NCAPD2: variants seen among roughly 807,000 people sequenced by gnomAD.
The protein encoded by NCAPD2 is condensin complex subunit 1.
A neutral mutation model predicts 164.5 loss-of-function variants in NCAPD2; 100 were observed. The ratio of observed to expected loss-of-function variants is 0.61; its 90% CI spans 0.52 to 0.72. NCAPD2 has a LOEUF of 0.72. Among genes scored for constraint, NCAPD2 ranks in the 30% least tolerant of loss-of-function variants. NCAPD2 has a pLI of 0.00. For missense variants in NCAPD2, 1,560 were observed against 1,749.2 expected, an observed-to-expected ratio of 0.89 and a Z score of 1.93; for synonymous variants, 585 against 642.6, an observed-to-expected ratio of 0.91 and a Z score of 1.36.
In NCAPD2 at chr12:6,517,362, C is replaced by T. The variant is rs1442974677; in HGVS notation, c.1186-3C>T. ...CAGATTCTTCTCTTCCTACCCTACA[C>T]AGGCTCTCCCCCTGACACGTTTCCA... On this transcript the variant is annotated splice_region_variant and splice_polypyrimidine_tract_variant and intron_variant, in intron 10 of 31. Coordinates refer to ENST00000315579, the MANE Select transcript of NCAPD2 (RefSeq NM_014865.4). 1 of 1,613,674 alleles carries T rather than the reference C, an allele frequency of 6.2e-7. No individual in the cohort carries two copies. The highest frequency in any genetic ancestry group is 8.5e-7 in the Non-Finnish European group (1 of 1,179,820).
In NCAPD2 at chr12:6,528,469, C is replaced by T. The variant is rs1234874832; in HGVS notation, c.3299+141C>T. The T allele has an allele frequency of 7.8e-7, 1 of 1,273,928 alleles. No homozygotes were observed. Among genetic ancestry groups the T allele is most frequent in the East Asian group, 2.3e-5 (1 of 42,818 alleles). The allele number at this position is 1,273,928 out of a possible 1,614,324, so 78.9% of individuals were successfully genotyped here. A position where few individuals can be genotyped will look rare whatever the true frequency, so the allele number is the denominator to read the frequency against. ...GCTTGATACTTGACCTGTACAGGCC[C>T]CTGGCTAAGAGTCACCCCAGTGGGA... is the stretch of plus-strand genomic sequence containing the variant. On this transcript the variant is annotated intron_variant, in intron 25 of 31. Coordinates refer to ENST00000315579, the MANE Select transcript of NCAPD2 (RefSeq NM_014865.4). This position sits in a 1 kb window ranked among gnomAD's most constrained non-coding sequence, Gnocchi z 5.1.
At position 6,509,713 on chromosome 12, in the gene NCAPD2, AT is replaced by A. The variant is rs765399651; in HGVS notation, c.128-3del. 6.2e-7 allele frequency: 1 copy of A among 1,613,712 alleles called. No individual in the cohort carries two copies. Among genetic ancestry groups the A allele is most frequent in the East Asian group, 2.2e-5 (1 of 44,876 alleles). ...AAATTGATTTGTTTTTTCCATCTTC[AT>A]AGCTTTTCAGGCTGCCTTTCGAGCT... is the stretch of plus-strand genomic sequence containing the variant. On this transcript the variant is annotated splice_region_variant and splice_polypyrimidine_tract_variant and intron_variant, in intron 2 of 31. Coordinates refer to ENST00000315579, the MANE Select transcript of NCAPD2 (RefSeq NM_014865.4).
At chr12:6,522,092 A>G (rs1946268836) in intron 15 of NCAPD2, 55 bp downstream of exon 15, 1 of 1,553,468 alleles carries the variant, frequency 6.4e-7, no homozygotes, top group East Asian at 2.3e-5. Context: ...TGGATTTTTT[A>G]ATTTTTTAAA....
intron 2 of NCAPD2, among the ~76,000 whole-genome samples, chr12:6,502,789 C>T (rs7967329): frequency 0.023 from 3,529 of 151,994 alleles, 115 homozygotes; most frequent in East Asian, 0.12. Flanking sequence ...CTTCGGCCTG[C>T]GCAACACAAC....
rs75202400 is a variant in NCAPD2, at chr12:6,514,945, G to A, written c.987+25G>A. On this transcript the variant is annotated intron_variant, in intron 9 of 31. Transcript: ENST00000315579. Reference sequence around the variant, plus strand: ...AGTAGGTGGTCCACTAGGGGTCACTGAGCTTTTTCTGGGGATTTTAAGTCC... The same window carrying A: ...AGTAGGTGGTCCACTAGGGGTCACTAAGCTTTTTCTGGGGATTTTAAGTCC... 2,636 of 1,612,946 alleles carry A rather than the reference G, an allele frequency of 1.6e-3. 17 individuals are homozygous for A. The highest frequency in any genetic ancestry group is 1.5e-3 in the Non-Finnish European group (1,807 of 1,179,294).
intron 2 of NCAPD2, among the ~76,000 whole-genome samples, chr12:6,508,735 G>A (rs1946119757): frequency 1.3e-5 from 2 of 152,122 alleles, no homozygotes; most frequent in African/African-American, 4.8e-5. Context: ...GTTGCAAAGG[G>A]GAAAATAATA....
intron 13 of NCAPD2, 129 bp from the exon 14 acceptor site, chr12:6,520,857 T>C (rs1946257250): frequency 3.9e-6 from 5 of 1,283,654 alleles, no homozygotes; most frequent in Non-Finnish European, 5.3e-6. Context: ...TAACAACTTT[T>C]TAAGCATGTT....
Position 6,527,837 on chromosome 12 carries a change from G to T in NCAPD2, c.2968G>T (p.Asp990Tyr). The T allele has an allele frequency of 6.2e-7, 1 of 1,613,978 alleles. No homozygotes were observed. Among genetic ancestry groups the T allele is most frequent in the South Asian group, 1.1e-5 (1 of 91,062 alleles). The change falls in exon 23 of 32, where the codon GAC (aspartate) becomes TAC (tyrosine). Residue 990 changes from aspartate (D) to tyrosine (Y), a missense_variant. Asp to Tyr is a radical substitution (Grantham distance 160). Coordinates refer to ENST00000315579, the MANE Select transcript of NCAPD2 (RefSeq NM_014865.4). ...GGGGCTGGTTGGGGCAACAGCAGAT[G>T]ACACAGAGGCAGAACTAATCCGTGG... Reference protein sequence around the residue: ...ELGLVGATADDTEAELIRGIC... With the variant: ...ELGLVGATADYTEAELIRGIC...
chr12:6,499,529 A>G (rs1424531664), intron 2 of NCAPD2, among the ~76,000 whole-genome samples: 2 of 152,120 alleles, frequency 1.3e-5, no homozygotes, highest in African/African-American at 4.8e-5. Context: ...CTGGAATTAC[A>G]GGTGCCCACC....
rs181920266 is a variant in NCAPD2 at position 6,518,120 on chromosome 12, T to G, written c.1589+161T>G. 510 of 618,822 alleles carry G rather than the reference T, an allele frequency of 8.2e-4. 6 individuals carry two copies. The East Asian group carries it at 0.012, about 15-fold the overall frequency. 38.3% of individuals were successfully genotyped at this position (618,822 alleles called of 1,614,324 possible). On this transcript the variant is annotated intron_variant, in intron 13 of 31. Transcript: ENST00000315579. ...AGTAATGGTCTGACCATAGGCCTAG[T>G]CCACAATTAAGCATGTGTTTCTACT...
rs768229078 is a variant in NCAPD2, at chr12:6,530,986, C to G, written c.4030C>G (p.Arg1344Gly). The G allele has an allele frequency of 5.6e-6, 9 of 1,614,184 alleles. No individual in the cohort carries two copies. In the East Asian group the frequency reaches 2.0e-4, roughly 36 times the overall value. Residue 1344 changes from arginine to glycine, a missense_variant, in exon 31 of 32, where the codon CGT becomes GGT. Coordinates refer to ENST00000315579, the MANE Select transcript of NCAPD2 (RefSeq NM_014865.4). ...TGACTTTGTCACACCAGAGCCCCGC[C>G]GTACTACCCGTCGGCATCCAAACAC... is the stretch of plus-strand genomic sequence containing the variant. The part of the protein sequence containing the change: ...DNDFVTPEPR[R>G]TTRRHPNTQQ...
chr12:6,531,004 C>T lies in NCAPD2; in HGVS notation c.4048C>T (p.Pro1350Ser), dbSNP rs998886798. 5.6e-6 allele frequency: 9 copies of T among 1,614,052 alleles called. No individual in the cohort carries two copies. The Admixed American group carries it at 8.3e-5, about 15-fold the overall frequency. The change falls in exon 31 of 32, where the codon CCA becomes TCA. Residue 1350 changes from proline to serine, a missense_variant. Transcript: ENST00000315579. The surrounding 1 kb of genome is among the most constrained non-coding windows in gnomAD (Gnocchi z 4.1). ...PEPRRTTRRH[P>S]NTQQRASKKK... ...GCCCCGCCGTACTACCCGTCGGCAT[C>T]CAAACACCCAGCAGCGAGCTTCCAA...
At chr12:6,505,866 A>G (rs1318930598) in intron 2 of NCAPD2, among the ~76,000 whole-genome samples, 1 of 152,106 alleles carries the variant, frequency 6.6e-6, no homozygotes, top group Non-Finnish European at 1.5e-5. Context: ...CTGTCTCAGA[A>G]AAACAAAAAC....
At chr12:6,500,182 T>C (rs1035332371) in intron 2 of NCAPD2, among the ~76,000 whole-genome samples, 2 of 152,164 alleles carry the variant, frequency 1.3e-5, no homozygotes, top group South Asian at 2.1e-4. Context: ...TCCCAACCAC[T>C]TGGGAGGCAG....
chr12:6,501,037 G>A (rs930918844), intron 2 of NCAPD2, among the ~76,000 whole-genome samples: 1 of 149,786 alleles, frequency 6.7e-6, no homozygotes, highest in African/African-American at 2.5e-5. Flanking sequence ...AGGAATCTGA[G>A]ATGAGAATGA....
chr12:6,510,602 CT>C, intron 4 of NCAPD2, 26 bp from the exon 5 acceptor site: 1 of 1,612,978 alleles, frequency 6.2e-7, no homozygotes, highest in South Asian at 1.1e-5. Context: ...GTGAGTGAAA[CT>C]GACTCCAAGA....
chr12:6,512,319 A>G (rs1592170316), intron 6 of NCAPD2, among the ~76,000 whole-genome samples: 2 of 141,446 alleles, frequency 1.4e-5, no homozygotes, highest in Admixed American at 1.4e-4. Flanking sequence ...AGACAGACAG[A>G]CAAACAGACA....
At chr12:6,520,405 C>G (rs973821800) in intron 13 of NCAPD2, among the ~76,000 whole-genome samples, 1 of 146,024 alleles carries the variant, frequency 6.8e-6, no homozygotes, top group Non-Finnish European at 1.5e-5. Context: ...ATTACACCCA[C>G]AGGCACACAC....
intron 2 of NCAPD2, among the ~76,000 whole-genome samples, chr12:6,504,633 C>G (rs1259349594): frequency 1.3e-5 from 2 of 152,066 alleles, no homozygotes; most frequent in East Asian, 3.9e-4. Flanking sequence ...CTCAAGTGAT[C>G]TGTCCACCTC....
Sources: gnomAD v4.1 joint callset for allele counts (sites outside exome capture counted in the v4.1 genomes callset) on GRCh38, gnomAD v4.1.1 for gene constraint, Gnocchi (gnomAD v3.1) non-coding constraint, MANE v1.5 for transcripts, NCBI Gene and HGNC (gene_info 2026-07-23, HGNC 2026-07-21) for gene names.